Variants in PPCDC observed in about 807,000 individuals in gnomAD.
The protein encoded by PPCDC is phosphopantothenoylcysteine decarboxylase.
A neutral mutation model predicts 20.7 loss-of-function variants in PPCDC; 20 were observed. The ratio of observed to expected loss-of-function variants is 0.97; its 90% CI spans 0.68 to 1.41. The LOEUF (loss-of-function observed/expected upper bound fraction) is 1.41, where lower values mean the gene tolerates loss of function less well. Among genes scored for constraint, PPCDC ranks in the 40% most tolerant of loss-of-function variants. PPCDC has a pLI of 0.00. For missense variants in PPCDC, 246 were observed against 263.8 expected, an observed-to-expected ratio of 0.93 and a Z score of 0.47; for synonymous variants, 88 against 100.3, an observed-to-expected ratio of 0.88 and a Z score of 0.73.
chr15:75,032,739 G>GCCC (rs2066039198), intron 2 of PPCDC, among the ~76,000 whole-genome samples: 1 of 87,034 alleles, frequency 1.1e-5, no homozygotes, highest in Non-Finnish European at 2.2e-5. Context: ...CCCCCCCAAG[G>GCCC]CCAAATTCGG....
chr15:75,036,886 A>C (rs564739134), intron 2 of PPCDC, among the ~76,000 whole-genome samples: 1 of 151,840 alleles, frequency 6.6e-6, no homozygotes, highest in African/African-American at 2.4e-5. Flanking sequence ...GCCCAGGCTC[A>C]TCCCAAACTT....
rs1386176525 is a variant in PPCDC, at chr15:75,028,328, A to G, written c.10A>G (p.Lys4Glu). 1.2e-6 allele frequency: 2 copies of G among 1,614,076 alleles called. No individual in the cohort carries two copies. The highest frequency in any genetic ancestry group is 2.2e-5 in the South Asian group (2 of 91,076). ...AGCCACCAGACCCCACATGGAACCA[A>G]AGGCCTCCTGTCCAGCTGCTGCACC... MEP[K>E]ASCPAAAPLM... is the part of the protein sequence containing the mutation. Residue 4 changes from lysine to glutamate, a missense_variant, in exon 2 of 6, where the codon AAG becomes GAG. Physicochemically the swap from Lys to Glu is moderately conservative, Grantham distance 56. Around this residue, in one of 2 missense-constraint regions of PPCDC, gnomAD observed 225 missense variants for 222.6 expected, o/e 1.01. Transcript: ENST00000342932.
rs1259403437 is a variant in PPCDC, at chr15:75,040,818, A to G, written c.136-2623A>G. ...GCTGGGACTACAGGCGCACACCACCATGCCTGGCTAATTTTTGTATTTTTT... is the reference window on the plus strand; with the variant it reads ...GCTGGGACTACAGGCGCACACCACCGTGCCTGGCTAATTTTTGTATTTTTT... On this transcript the variant is annotated intron_variant, in intron 2 of 5. Coordinates refer to ENST00000342932, the MANE Select transcript of PPCDC (RefSeq NM_021823.5). Among the ~76,000 whole-genome samples the G allele has an allele frequency of 2.6e-5, 4 of 151,872 alleles. No homozygotes were observed. The South Asian group carries it at 8.3e-4, about 32-fold the overall frequency.
intron 1 of PPCDC, among the ~76,000 whole-genome samples, chr15:75,025,593 T>TGG (rs2065950793): frequency 6.6e-6 from 1 of 152,236 alleles, no homozygotes; most frequent in Admixed American, 6.5e-5. Context: ...GTGGCTTACC[T>TGG]GCTTGGCTAG....
chr15:75,040,949 C>T (rs550195590), intron 2 of PPCDC, among the ~76,000 whole-genome samples: 6 of 152,320 alleles, frequency 3.9e-5, no homozygotes, highest in Non-Finnish European at 7.3e-5. Context: ...CAGGCATGAG[C>T]GTAATCCCAT....
Position 75,039,715 on chromosome 15 carries a change from C to T in PPCDC, c.136-3726C>T, listed in dbSNP as rs79114780. Among the ~76,000 whole-genome samples the T allele has an allele frequency of 4.7e-3, 721 of 152,202 alleles. 23 individuals carry two copies. In the East Asian group the frequency reaches 0.081, roughly 17 times the overall value. On this transcript the variant is annotated intron_variant, in intron 2 of 5. Transcript: ENST00000342932. Reference sequence around the variant, plus strand: ...TCCTTTCGCTTCCATCTTCTGAAAGCGCATTGGCACGTCTTAACTGCTGTT... The same window carrying T: ...TCCTTTCGCTTCCATCTTCTGAAAGTGCATTGGCACGTCTTAACTGCTGTT...
chr15:75,029,505 G>A (rs769042203), intron 2 of PPCDC, among the ~76,000 whole-genome samples: 8 of 152,124 alleles, frequency 5.3e-5, no homozygotes, highest in Non-Finnish European at 1.2e-4. Flanking sequence ...CACATCAGCT[G>A]GGGCTGGGCT....
In PPCDC at chr15:75,044,455, G is replaced by T. The variant is rs763431320; in HGVS notation, c.301G>T (p.Ala101Ser). Residue 101 changes from alanine to serine, a missense_variant, in exon 4 of 6, where the codon GCT becomes TCT. Coordinates refer to ENST00000342932, the MANE Select transcript of PPCDC (RefSeq NM_021823.5). The part of the protein sequence containing the change: ...LRRWADLLLV[A>S]PLDANTLGKV... ...GAGGTGGGCAGACCTCCTGCTGGTG[G>T]CTCCTCTTGATGCCAACACTCTGGG... 1 of 1,614,172 alleles carries T rather than the reference G, an allele frequency of 6.2e-7. No homozygotes were observed. Among genetic ancestry groups the T allele is most frequent in the Non-Finnish European group, 8.5e-7 (1 of 1,180,012 alleles).
intron 2 of PPCDC, among the ~76,000 whole-genome samples, chr15:75,042,697 A>G (rs1188918473): frequency 6.6e-6 from 1 of 151,722 alleles, no homozygotes; most frequent in Non-Finnish European, 1.5e-5. Flanking sequence ...ATGATAGCCA[A>G]CCCATCTAGT....
At chr15:75,044,583 C>A in intron 4 of PPCDC, 69 bp downstream of exon 4, 1 of 1,562,854 alleles carries the variant, frequency 6.4e-7, no homozygotes, top group Non-Finnish European at 8.7e-7. Context: ...TGCAGACATC[C>A]TTGTACAAGG....
In PPCDC at chr15:75,048,548, C is replaced by T. The variant is rs765937770; in HGVS notation, c.361-5C>T. The T allele has an allele frequency of 3.1e-6, 5 of 1,613,108 alleles. No individual in the cohort carries two copies. The Admixed American group carries it at 5.0e-5, about 16-fold the overall frequency. Reference sequence around the variant, plus strand: ...AGACCCCCACTTCCCTGGCCTTCTTCACAGACCTGCGTCATGCGGGCCTGG... The same window carrying T: ...AGACCCCCACTTCCCTGGCCTTCTTTACAGACCTGCGTCATGCGGGCCTGG... On this transcript the variant is annotated splice_region_variant and splice_polypyrimidine_tract_variant and intron_variant, in intron 4 of 5. Transcript: ENST00000342932.
chr15:75,025,297 C>T (rs933746362), intron 1 of PPCDC, among the ~76,000 whole-genome samples: 1 of 152,170 alleles, frequency 6.6e-6, no homozygotes, highest in African/African-American at 2.4e-5. Flanking sequence ...TACCCACCAC[C>T]CACTTCCCTT....
At chr15:75,029,441 C>G in intron 2 of PPCDC, among the ~76,000 whole-genome samples, 1 of 152,132 alleles carries the variant, frequency 6.6e-6, no homozygotes, top group Middle Eastern at 3.2e-3. Flanking sequence ...GTGCAGTGGC[C>G]GTATCTGGCA....
Position 75,029,207 on chromosome 15 carries a change from C to A in PPCDC, c.135+754C>A, listed in dbSNP as rs565488332. Among the ~76,000 whole-genome samples the A allele has an allele frequency of 2.3e-4, 35 of 152,324 alleles. No homozygotes were observed. The South Asian group carries it at 3.3e-3, about 14-fold the overall frequency. On this transcript the variant is annotated intron_variant, in intron 2 of 5. Transcript: ENST00000342932. ...TGGGCCCTGCTAGGCTGGCTGCCCT[C>A]TCTGCTCCTCTCTCGCCTTTTCACA...
intron 4 of PPCDC, chr15:75,044,859 AG>A (rs943680784): frequency 1.5e-5 from 4 of 271,158 alleles, no homozygotes; most frequent in African/African-American, 9.0e-5. Flanking sequence ...GTCTCTGCCC[AG>A]CCCCATCGCC....
At chr15:75,047,796 T>C (rs921897062) in intron 4 of PPCDC, among the ~76,000 whole-genome samples, 1 of 152,262 alleles carries the variant, frequency 6.6e-6, no homozygotes, top group African/African-American at 2.4e-5. Flanking sequence ...ACACAGCTAG[T>C]GCTCTCACAG....
chr15:75,039,240 T>G (rs574643256), intron 2 of PPCDC, among the ~76,000 whole-genome samples: 5 of 152,350 alleles, frequency 3.3e-5, no homozygotes, highest in Admixed American at 2.0e-4. Flanking sequence ...GAATTCCATA[T>G]CTGAAGGTTT....
rs141209275 is a variant in PPCDC at position 75,046,223 on chromosome 15, C to T, written c.360+1709C>T. Among the ~76,000 whole-genome samples, 287 of 152,312 alleles carry T rather than the reference C, an allele frequency of 1.9e-3. 1 individual carries two copies. Among genetic ancestry groups the T allele is most frequent in the Non-Finnish European group, 2.9e-3 (200 of 68,014 alleles). ...GAGGTGAGACTCTGTCTCAAAAAAA[C>T]AAAAAGGCTTCCCAGCAGCACTGGT... On this transcript the variant is annotated intron_variant, in intron 4 of 5. Transcript: ENST00000342932.
At chr15:75,029,552 C>T (rs1223913169) in intron 2 of PPCDC, among the ~76,000 whole-genome samples, 1 of 152,154 alleles carries the variant, frequency 6.6e-6, no homozygotes, top group South Asian at 2.1e-4. Context: ...CACCAACTTC[C>T]ACCCAGAAAG....
Sources: gnomAD v4.1 joint callset for allele counts (sites outside exome capture counted in the v4.1 genomes callset) on GRCh38, gnomAD v4.1.1 for gene constraint, gnomAD v4.1.1 regional missense constraint, MANE v1.5 for transcripts, NCBI Gene and HGNC (gene_info 2026-07-23, HGNC 2026-07-21) for gene names.